ADCY8: variants seen among roughly 807,000 people sequenced by gnomAD.
ADCY8 encodes the protein adenylate cyclase 8, also known as adenylate cyclase type 8.
ADCY8 carries 51 observed loss-of-function variants against 119.7 expected under a neutral mutation model. The observed-to-expected ratio is 0.43, with a 90% CI of 0.34 to 0.54. ADCY8 has a LOEUF of 0.54. Among genes scored for constraint, ADCY8 ranks in the 20% least tolerant of loss-of-function variants. The pLI is 0.03. For synonymous variants in ADCY8, 665 were observed against 651.0 expected (o/e 1.02, Z -0.33); for missense variants, 1,383 against 1,598.8 (o/e 0.87, Z 2.30).
chr8:130,918,424 G>T (rs1820196230), intron 5 of ADCY8, among the ~76,000 whole-genome samples: 1 of 152,120 alleles, frequency 6.6e-6, no homozygotes, highest in African/African-American at 2.4e-5. Context: ...TATATTTGTG[G>T]TTAGGGCTTC....
At chr8:131,038,188 T>C (rs1479190656) in intron 1 of ADCY8, among the ~76,000 whole-genome samples, 5 of 152,204 alleles carry the variant, frequency 3.3e-5, no homozygotes, top group African/African-American at 1.2e-4. Flanking sequence ...CTAAACATCA[T>C]GAACAATTTT....
At chr8:130,948,947 G>A (rs1371223039) in intron 3 of ADCY8, among the ~76,000 whole-genome samples, 2 of 152,138 alleles carry the variant, frequency 1.3e-5, no homozygotes, top group East Asian at 1.9e-4. Flanking sequence ...CCGGAGCCGC[G>A]GGCATCTCAC....
intron 1 of ADCY8, among the ~76,000 whole-genome samples, chr8:131,001,111 A>G (rs1310443051): frequency 6.6e-6 from 1 of 152,172 alleles, no homozygotes; most frequent in Non-Finnish European, 1.5e-5. Context: ...CTATCTTTAA[A>G]TGGAAAAGCT....
intron 1 of ADCY8, among the ~76,000 whole-genome samples, chr8:131,024,562 C>T (rs1245322051): frequency 6.6e-6 from 1 of 152,124 alleles, no homozygotes; most frequent in Non-Finnish European, 1.5e-5. Flanking sequence ...AATACTTTCA[C>T]AAAATGGCTG....
intron 1 of ADCY8, among the ~76,000 whole-genome samples, chr8:130,999,186 T>C (rs1822868061): frequency 6.6e-6 from 1 of 152,162 alleles, no homozygotes; most frequent in African/African-American, 2.4e-5. Flanking sequence ...CTAACTGAGT[T>C]GACACAATAA....
At chr8:130,926,857 A>AC (rs2130598662) in intron 5 of ADCY8, among the ~76,000 whole-genome samples, 1 of 151,844 alleles carries the variant, frequency 6.6e-6, no homozygotes, top group African/African-American at 2.4e-5. Flanking sequence ...CTTAGCTTAT[A>AC]TTTTTTAACA....
At chr8:131,009,213 A>G (rs2130776789) in intron 1 of ADCY8, among the ~76,000 whole-genome samples, 1 of 152,264 alleles carries the variant, frequency 6.6e-6, no homozygotes, top group East Asian at 1.9e-4. Flanking sequence ...ACCCCATCAC[A>G]GGCCTGGAGG....
intron 1 of ADCY8, among the ~76,000 whole-genome samples, chr8:131,033,446 C>T (rs1465062722): frequency 6.6e-6 from 1 of 152,054 alleles, no homozygotes; most frequent in East Asian, 1.9e-4. Flanking sequence ...TGCATTTGTC[C>T]TACTTAGCAT....
chr8:130,868,229 C>A (rs950094605), intron 8 of ADCY8, among the ~76,000 whole-genome samples: 3 of 152,096 alleles, frequency 2.0e-5, no homozygotes, highest in Non-Finnish European at 2.9e-5. Flanking sequence ...AGCGCACATC[C>A]ATATATGCAG....
At chr8:130,909,927 T>A in intron 5 of ADCY8, 61 bp from the exon 6 acceptor site, 1 of 1,469,862 alleles carries the variant, frequency 6.8e-7, no homozygotes, top group Non-Finnish European at 9.2e-7. Flanking sequence ...TCGTTGGCTC[T>A]GCACTTTCTT....
intron 9 of ADCY8, among the ~76,000 whole-genome samples, chr8:130,853,517 C>A (rs1355422319): frequency 6.6e-6 from 1 of 151,658 alleles, no homozygotes; most frequent in Non-Finnish European, 1.5e-5. Flanking sequence ...TGTATTCCAG[C>A]TTTTATCACA....
At chr8:131,036,930 T>C (rs1331556337) in intron 1 of ADCY8, among the ~76,000 whole-genome samples, 1 of 152,172 alleles carries the variant, frequency 6.6e-6, no homozygotes, top group African/African-American at 2.4e-5. Context: ...TTTACTCGAG[T>C]TGCTATAAGA....
At chr8:131,022,960 T>C (rs1823719729) in intron 1 of ADCY8, among the ~76,000 whole-genome samples, 1 of 152,172 alleles carries the variant, frequency 6.6e-6, no homozygotes, top group Non-Finnish European at 1.5e-5. Context: ...AGGGTGGTGA[T>C]GGTGAGAGTC....
intron 2 of ADCY8, among the ~76,000 whole-genome samples, chr8:130,988,446 G>T (rs759001589): frequency 1.3e-5 from 2 of 152,140 alleles, no homozygotes; most frequent in Non-Finnish European, 2.9e-5. Flanking sequence ...TTTTATCCAA[G>T]AAATCAATGA....
chr8:131,040,063 G>A lies in ADCY8; in HGVS notation c.271C>T (p.Leu91Phe). 2 of 1,542,736 alleles carry A rather than the reference G, an allele frequency of 1.3e-6. No homozygotes were observed. The highest frequency in any genetic ancestry group is 1.7e-6 in the Non-Finnish European group (2 of 1,149,432). The stretch of plus-strand genomic sequence containing the variant: ...CGCTCTCCCGGGCCCAGCGAGTAGA[G>A]GGGCAGCGCCGAGTCGCCTGACAGC... The part of the protein sequence containing the change: ...PQLSGDSALP[L>F]YSLGPGERAH... The change falls in exon 1 of 18, where the codon CTC (leucine) becomes TTC (phenylalanine). Residue 91 changes from leucine to phenylalanine, a missense_variant. Transcript: ENST00000286355.
In ADCY8 at chr8:130,780,837, A is replaced by G. The variant is rs764770071; in HGVS notation, c.3309T>C (p.Ala1103=). 6.2e-7 allele frequency: 1 copy of G among 1,614,074 alleles called. No individual in the cohort carries two copies. Among genetic ancestry groups the G allele is most frequent in the Non-Finnish European group, 8.5e-7 (1 of 1,179,978 alleles). The change falls in exon 18 of 18, where the codon GCT becomes GCC. Residue 1103 remains alanine (A), a synonymous_variant. Transcript: ENST00000286355. ...HGSVVAGVIG[A]KKPQYDIWGK... ...CCCAAATGTCATACTGTGGTTTCTT[A>G]GCGCCGATAACGCCAGCTACCACTG...
intron 9 of ADCY8, among the ~76,000 whole-genome samples, chr8:130,861,620 G>A (rs1184754985): frequency 6.6e-6 from 1 of 152,102 alleles, no homozygotes; most frequent in Non-Finnish European, 1.5e-5. Flanking sequence ...GTCATTGGTA[G>A]ATAAACATAG....
intron 14 of ADCY8, among the ~76,000 whole-genome samples, chr8:130,801,868 C>T (rs1013404389): frequency 1.4e-4 from 19 of 137,628 alleles, no homozygotes; most frequent in African/African-American, 5.0e-4. Flanking sequence ...ATGTCCTTTG[C>T]TTTTCTCATG....
rs764992423 is a variant in ADCY8, at chr8:130,818,948, C to A, written c.2754+2394G>T. On this transcript the variant is annotated intron_variant, in intron 13 of 17. Transcript: ENST00000286355. ...TCTTAGGACCAGATGGCTAACAATA[C>A]CTGCCTTGTTTTTGTCATCAGCTTA... Among the ~76,000 whole-genome samples the A allele has an allele frequency of 5.9e-4, 90 of 152,298 alleles. 1 individual carries two copies. The highest frequency in any genetic ancestry group is 3.4e-3 in the Middle Eastern group (1 of 294).
Sources: gnomAD v4.1 joint callset for allele counts (sites outside exome capture counted in the v4.1 genomes callset) on GRCh38, gnomAD v4.1.1 for gene constraint, MANE v1.5 for transcripts, NCBI Gene and HGNC (gene_info 2026-07-23, HGNC 2026-07-21) for gene names.